Variants in CRACR2A observed in about 807,000 individuals in gnomAD.
CRACR2A encodes the protein calcium release activated channel regulator 2A.
CRACR2A carries 79 observed loss-of-function variants against 90.5 expected under a neutral mutation model. The observed-to-expected ratio is 0.87, with a 90% confidence interval of 0.73 to 1.05. The LOEUF is 1.05. CRACR2A is among the 50% of genes least tolerant of loss of function. The pLI is 0.00. For missense variants in CRACR2A, 823 were observed against 897.2 expected, an observed-to-expected ratio of 0.92 and a Z score of 1.06; for synonymous variants, 338 against 356.7, an observed-to-expected ratio of 0.95 and a Z score of 0.59.
chr12:3,649,010 C>T (rs1055262449), intron 10 of CRACR2A, among the ~76,000 whole-genome samples: 3 of 151,782 alleles, frequency 2.0e-5, no homozygotes, highest in Admixed American at 1.3e-4. Context: ...CATGTTCTCA[C>T]TCATAGGTGG....
At chr12:3,688,105 T>C (rs1201626702) in intron 4 of CRACR2A, among the ~76,000 whole-genome samples, 1 of 152,236 alleles carries the variant, frequency 6.6e-6, no homozygotes, top group South Asian at 2.1e-4. Flanking sequence ...TGTCAGTGCA[T>C]AGTTTGCAAA....
At chr12:3,714,316 C>T (rs755713095) in intron 2 of CRACR2A, among the ~76,000 whole-genome samples, 15 of 152,186 alleles carry the variant, frequency 9.9e-5, no homozygotes, top group Non-Finnish European at 1.9e-4. Flanking sequence ...TAAAAATACA[C>T]AGACCAAATA....
rs966467813 is a variant in CRACR2A, at chr12:3,746,054, T to A, written c.-387+6961A>T. Among the ~76,000 whole-genome samples the A allele has an allele frequency of 2.6e-5, 4 of 152,078 alleles. No homozygotes were observed. Among genetic ancestry groups the A allele is most frequent in the African/African-American group, 9.7e-5 (4 of 41,422 alleles). ...GTGCCTCAGGGCCCTGTGCTGTAAA[T>A]GCTTCCCAGCCTGGGCTGTACTTCT... On this transcript the variant is annotated intron_variant, in intron 1 of 19. Coordinates refer to ENST00000440314, the MANE Select transcript of CRACR2A (RefSeq NM_001144958.2). The surrounding 1 kb of genome is among the most constrained non-coding windows in gnomAD (Gnocchi z 4.4).
chr12:3,648,971 G>T (rs1046076561), intron 10 of CRACR2A, among the ~76,000 whole-genome samples: 4 of 152,054 alleles, frequency 2.6e-5, no homozygotes, highest in African/African-American at 9.7e-5. Flanking sequence ...TCACTAAAGA[G>T]TTGGTCCAGG....
chr12:3,691,077 A>G (rs1945642286), intron 4 of CRACR2A, among the ~76,000 whole-genome samples: 1 of 152,212 alleles, frequency 6.6e-6, no homozygotes, highest in African/African-American at 2.4e-5. Context: ...TGAAGATAGC[A>G]TACCAATGGG....
chr12:3,737,502 G>A (rs1036434213), intron 1 of CRACR2A, among the ~76,000 whole-genome samples: 3 of 152,194 alleles, frequency 2.0e-5, no homozygotes, highest in African/African-American at 7.2e-5. Flanking sequence ...TTGGCTGCTT[G>A]TGGGGAATGA....
Position 3,619,294 on chromosome 12 carries a change from C to G in CRACR2A, c.2011G>C (p.Gly671Arg). 6.4e-7 allele frequency: 1 copy of G among 1,551,658 alleles called. No homozygotes were observed. Among genetic ancestry groups the G allele is most frequent in the Non-Finnish European group, 8.7e-7 (1 of 1,146,982 alleles). Reference sequence around the variant, plus strand: ...ACCGTGGCAAGCTGCTCTCCGAGGCCCCGGGGGACTTCCCGCTCCTTCTCG... The same window carrying G: ...ACCGTGGCAAGCTGCTCTCCGAGGCGCCGGGGGACTTCCCGCTCCTTCTCG... Reference protein sequence around the residue: ...DNEKEREVPRGLGEQLATENN... With the variant: ...DNEKEREVPRRLGEQLATENN... The change falls in exon 18 of 20, where the codon GGC becomes CGC. Residue 671 changes from glycine to arginine, a missense_variant. Gly to Arg is a moderately radical substitution (Grantham distance 125). Coordinates refer to ENST00000440314, the MANE Select transcript of CRACR2A (RefSeq NM_001144958.2).
intron 1 of CRACR2A, among the ~76,000 whole-genome samples, chr12:3,743,906 G>A (rs559232139): frequency 3.3e-5 from 5 of 152,330 alleles, no homozygotes; most frequent in South Asian, 4.1e-4. Context: ...ATGTGCCAGA[G>A]GACACGTCGC....
intron 1 of CRACR2A, among the ~76,000 whole-genome samples, chr12:3,735,341 C>A (rs1946434224): frequency 6.6e-6 from 1 of 152,082 alleles, no homozygotes; most frequent in Non-Finnish European, 1.5e-5. Flanking sequence ...AAGAAGGGTG[C>A]GGGGAGACCT....
At chr12:3,731,437 A>G (rs1032067460) in intron 2 of CRACR2A, 2 of 152,332 alleles carry the variant, frequency 1.3e-5, no homozygotes, top group African/African-American at 4.8e-5. Flanking sequence ...CACAGCATCC[A>G]ATGTGTCCAG....
chr12:3,626,552 T>A (rs954011619), intron 17 of CRACR2A, among the ~76,000 whole-genome samples: 3 of 152,230 alleles, frequency 2.0e-5, no homozygotes, highest in Non-Finnish European at 4.4e-5. Flanking sequence ...TTGTCTCTTT[T>A]ATTCACTGCT....
In CRACR2A at chr12:3,656,311, C is replaced by A. The variant is rs780548360; in HGVS notation, c.858G>T (p.Arg286Ser). The change falls in exon 9 of 20, where the codon AGG (arginine) becomes AGT (serine). Residue 286 changes from arginine to serine, a missense_variant and splice_region_variant. Arg to Ser is a moderately radical substitution (Grantham distance 110, BLOSUM62 -1). Coordinates refer to ENST00000440314, the MANE Select transcript of CRACR2A (RefSeq NM_001144958.2). ...ELEQLTQKQK[R>S]LEGQCTALHH... ...TCTGGGGCCATGGATGGCAACATACCCTTTTCTGCTTCTGGGTGAGCTGCT... is the reference window on the plus strand; with the variant it reads ...TCTGGGGCCATGGATGGCAACATACACTTTTCTGCTTCTGGGTGAGCTGCT... The A allele has an allele frequency of 1.9e-6, 3 of 1,613,914 alleles. No individual in the cohort carries two copies. The highest frequency in any genetic ancestry group is 1.3e-5 in the African/African-American group (1 of 74,872).
At chr12:3,622,917 C>T (rs10083005) in intron 17 of CRACR2A, among the ~76,000 whole-genome samples, 1 of 152,146 alleles carries the variant, frequency 6.6e-6, no homozygotes, top group African/African-American at 2.4e-5. Context: ...AAAAAAAAAT[C>T]AAACTGCTAT....
chr12:3,630,394 C>A (rs1432981660), intron 15 of CRACR2A, among the ~76,000 whole-genome samples: 1 of 152,142 alleles, frequency 6.6e-6, no homozygotes, highest in Admixed American at 6.5e-5. Flanking sequence ...GCAGGGGCAG[C>A]AAGTTGCTCT....
chr12:3,746,345 C>A lies in CRACR2A; in HGVS notation c.-387+6670G>T, dbSNP rs1368872197. On this transcript the variant is annotated intron_variant, in intron 1 of 19. Coordinates refer to ENST00000440314, the MANE Select transcript of CRACR2A (RefSeq NM_001144958.2). The surrounding 1 kb of genome is among the most constrained non-coding windows in gnomAD (Gnocchi z 4.4). Reference sequence around the variant, plus strand: ...GATTAGTGCCCATCATGAAGAGACACCAGAGAGCTCTCTCTCTCTCTCTCT... The same window carrying A: ...GATTAGTGCCCATCATGAAGAGACAACAGAGAGCTCTCTCTCTCTCTCTCT... Among the ~76,000 whole-genome samples the A allele has an allele frequency of 6.6e-6, 1 of 151,422 alleles. No homozygotes were observed. The highest frequency in any genetic ancestry group is 1.5e-5 in the Non-Finnish European group (1 of 67,828).
chr12:3,734,162 A>G (rs1946409361), intron 1 of CRACR2A, among the ~76,000 whole-genome samples: 1 of 151,736 alleles, frequency 6.6e-6, no homozygotes, highest in Non-Finnish European at 1.5e-5. Context: ...TATTTTTAGT[A>G]GAGACGGGGT....
intron 12 of CRACR2A, among the ~76,000 whole-genome samples, chr12:3,643,847 A>AG (rs1172640472): frequency 4.5e-5 from 3 of 66,774 alleles, no homozygotes; most frequent in African/African-American, 5.4e-5. Context: ...TATAATATAT[A>AG]TTATATATTT....
intron 2 of CRACR2A, among the ~76,000 whole-genome samples, chr12:3,717,898 C>T (rs149497724): frequency 3.1e-4 from 47 of 152,242 alleles, no homozygotes; most frequent in African/African-American, 1.1e-3. Flanking sequence ...TGAAGAGAGC[C>T]TTAGATGAGG....
At chr12:3,699,671 C>G (rs1218519129) in intron 3 of CRACR2A, among the ~76,000 whole-genome samples, 1 of 152,194 alleles carries the variant, frequency 6.6e-6, no homozygotes, top group Admixed American at 6.5e-5. Flanking sequence ...CTGGTAACAA[C>G]AGGTGATGCA....
Sources: gnomAD v4.1 joint callset for allele counts (sites outside exome capture counted in the v4.1 genomes callset) on GRCh38, gnomAD v4.1.1 for gene constraint, Gnocchi (gnomAD v3.1) non-coding constraint, MANE v1.5 for transcripts, NCBI Gene and HGNC (gene_info 2026-07-23, HGNC 2026-07-21) for gene names.